Variants in TTC23L observed in about 807,000 individuals in gnomAD.
TTC23L encodes tetratricopeptide repeat protein 23-like.
A neutral mutation model predicts 48.1 loss-of-function variants in TTC23L; 42 were observed. That is an observed-to-expected ratio of 0.87 (90% CI 0.68 to 1.13). The LOEUF (loss-of-function observed/expected upper bound fraction) is 1.13. TTC23L is among the 50% of genes most tolerant of loss of function. The pLI is 0.00. For missense variants in TTC23L, 391 were observed against 421.0 expected (o/e 0.93, Z 0.62); for synonymous variants, 159 against 157.2 (o/e 1.01, Z -0.09).
chr5:34,857,322 C>T (rs973814781), intron 4 of TTC23L, among the ~76,000 whole-genome samples: 1 of 152,202 alleles, frequency 6.6e-6, no homozygotes, highest in Non-Finnish European at 1.5e-5. Flanking sequence ...ATTAATGAAA[C>T]AGTACTTTAG....
intron 8 of TTC23L, 46 bp from the exon 9 acceptor site, chr5:34,880,135 G>T (rs774489186): frequency 5.7e-6 from 9 of 1,573,778 alleles, no homozygotes; most frequent in Non-Finnish European, 7.7e-6. Flanking sequence ...TTAGACATTT[G>T]TAAAGGTTAG....
At chr5:34,908,784 ACTT>A in the TTC23L span, 3 of 1,602,808 alleles carry the variant, frequency 1.9e-6, no homozygotes, top group Non-Finnish European at 2.5e-6. Context: ...AGATTCAGGA[ACTT>A]CTTCATCAGG....
chr5:34,859,673 G>C (rs540985104), intron 4 of TTC23L, among the ~76,000 whole-genome samples: 2 of 152,168 alleles, frequency 1.3e-5, no homozygotes, highest in East Asian at 3.9e-4. Flanking sequence ...CTTCATCTTA[G>C]ACTTTTCAGC....
chr5:34,873,020 G>A (rs748605534), intron 8 of TTC23L, among the ~76,000 whole-genome samples: 9 of 151,590 alleles, frequency 5.9e-5, no homozygotes, highest in African/African-American at 1.9e-4. Context: ...CCGAGATCGC[G>A]CCATTGCACT....
chr5:34,891,525 G>A (rs552969375), intron 9 of TTC23L, among the ~76,000 whole-genome samples: 1 of 152,316 alleles, frequency 6.6e-6, no homozygotes, highest in East Asian at 1.9e-4. Flanking sequence ...CAGGGCAACA[G>A]TTCAGAATAT....
intron 9 of TTC23L, among the ~76,000 whole-genome samples, chr5:34,891,086 C>CA (rs762964613): frequency 8.5e-5 from 13 of 152,168 alleles, no homozygotes; most frequent in Non-Finnish European, 1.8e-4. Flanking sequence ...AAGGTCTTAG[C>CA]AGGTCTTAAA....
chr5:34,914,559 T>C, the TTC23L span: 2 of 783,606 alleles, frequency 2.6e-6, no homozygotes, highest in South Asian at 1.9e-5. Context: ...CTATTATTTA[T>C]TTATTAAGTT....
At chr5:34,924,188 C>T in the TTC23L span, among the ~76,000 whole-genome samples, 181 of 152,140 alleles carry the variant, frequency 1.2e-3, no homozygotes, top group African/African-American at 4.2e-3. Flanking sequence ...GAGTTTGGCA[C>T]GATAAGTGCA....
At chr5:34,922,672 TG>T in the TTC23L span, 2 of 1,607,458 alleles carry the variant, frequency 1.2e-6, no homozygotes, top group African/African-American at 2.7e-5. Flanking sequence ...CAACTATTTT[TG>T]TTTTTGTTGT....
chr5:34,882,671 T>A (rs1561151659), intron 9 of TTC23L, among the ~76,000 whole-genome samples: 1 of 137,874 alleles, frequency 7.3e-6, no homozygotes, highest in Non-Finnish European at 1.7e-5. Flanking sequence ...TATCTTTTGA[T>A]AAGTAGTTTA....
chr5:34,904,464 T>C, the TTC23L span, among the ~76,000 whole-genome samples: 180 of 151,346 alleles, frequency 1.2e-3, no homozygotes, highest in African/African-American at 4.2e-3. Context: ...TGTGGTGGCA[T>C]GCACCTGTAG....
the TTC23L span, chr5:34,911,961 T>C: frequency 1.1e-6 from 1 of 935,284 alleles, no homozygotes; most frequent in South Asian, 1.7e-5. Context: ...GATGACATCT[T>C]CCCTGATGAC....
chr5:34,842,378 G>A (rs933002035), intron 2 of TTC23L, among the ~76,000 whole-genome samples: 3 of 151,464 alleles, frequency 2.0e-5, no homozygotes, highest in Admixed American at 6.6e-5. Flanking sequence ...GAGTTGTGGA[G>A]CACCAGATTC....
At chr5:34,890,441 CAAAAAAAAAAA>C (rs57798773) in intron 9 of TTC23L, among the ~76,000 whole-genome samples, 6 of 56,676 alleles carry the variant, frequency 1.1e-4, no homozygotes, top group Admixed American at 2.1e-4. Context: ...GACCCTGTCT[CAAAAAAAAAAA>C]AAAAAAAAAA....
intron 4 of TTC23L, among the ~76,000 whole-genome samples, chr5:34,853,349 G>A (rs1580430566): frequency 6.6e-6 from 1 of 152,074 alleles, no homozygotes; most frequent in African/African-American, 2.4e-5. Context: ...TGGTCAACAT[G>A]GTGAAACCCC....
chr5:34,908,633 C>T, the TTC23L span: 3 of 750,064 alleles, frequency 4.0e-6, no homozygotes, highest in Non-Finnish European at 6.5e-6. Context: ...GGGTACATGA[C>T]CTTGCTCCTA....
At chr5:34,876,231 T>G (rs1476479227) in intron 8 of TTC23L, among the ~76,000 whole-genome samples, 1 of 152,054 alleles carries the variant, frequency 6.6e-6, no homozygotes, top group African/African-American at 2.4e-5. Flanking sequence ...AAGAGCAAAT[T>G]AATTCCAAAG....
At chr5:34,872,625 T>G (rs550311911) in intron 8 of TTC23L, among the ~76,000 whole-genome samples, 4 of 152,242 alleles carry the variant, frequency 2.6e-5, no homozygotes, top group Non-Finnish European at 5.9e-5. Context: ...TTTGATAATA[T>G]CTAGTAAAAT....
chr5:34,887,062 T>C (rs1187055831), intron 9 of TTC23L, among the ~76,000 whole-genome samples: 2 of 152,062 alleles, frequency 1.3e-5, no homozygotes, highest in African/African-American at 4.8e-5. Context: ...AGAGGAAAAG[T>C]TGGTAAAGAT....
Sources: gnomAD v4.1 joint callset for allele counts (sites outside exome capture counted in the v4.1 genomes callset) on GRCh38, gnomAD v4.1.1 for gene constraint, MANE v1.5 for transcripts, NCBI Gene and HGNC (gene_info 2026-07-23, HGNC 2026-07-21) for gene names.